Variants in PCGF6 observed in about 807,000 individuals in gnomAD.
PCGF6 encodes the protein polycomb group ring finger 6.
A neutral mutation model predicts 45.5 loss-of-function variants in PCGF6; 24 were observed. The ratio of observed to expected loss-of-function variants is 0.53; its 90% CI spans 0.38 to 0.74. PCGF6 has a LOEUF of 0.74. Among genes scored for constraint, PCGF6 ranks in the 30% least tolerant of loss-of-function variants. The pLI, the probability that PCGF6 is intolerant of heterozygous loss-of-function variation, is 0.00. For synonymous variants in PCGF6, 152 were observed against 162.1 expected (o/e 0.94, Z 0.47); for missense variants, 356 against 443.2 (o/e 0.80, Z 1.77).
At chr10:103,310,629 T>C (rs371331034) in intron 9 of PCGF6, among the ~76,000 whole-genome samples, 4 of 152,232 alleles carry the variant, frequency 2.6e-5, no homozygotes, top group Admixed American at 6.5e-5. Flanking sequence ...AATATTCACA[T>C]CTTCTTTTGA....
intron 9 of PCGF6, among the ~76,000 whole-genome samples, chr10:103,304,656 C>CTTTTT (rs34403112): frequency 7.3e-6 from 1 of 137,366 alleles, no homozygotes; most frequent in Non-Finnish European, 1.5e-5. Context: ...CCCAGCCCCA[C>CTTTTT]TTTTTTTTTT....
At chr10:103,310,487 T>C (rs1302885480) in intron 9 of PCGF6, among the ~76,000 whole-genome samples, 1 of 152,086 alleles carries the variant, frequency 6.6e-6, no homozygotes, top group Admixed American at 6.6e-5. Context: ...AAATATATCA[T>C]ATGTACATTA....
chr10:103,345,449 T>C (rs1357595937), intron 5 of PCGF6, among the ~76,000 whole-genome samples: 3 of 151,880 alleles, frequency 2.0e-5, no homozygotes, highest in Non-Finnish European at 4.4e-5. Flanking sequence ...TTAGCACTTC[T>C]CATGCATCAT....
intron 6 of PCGF6, among the ~76,000 whole-genome samples, chr10:103,337,727 A>G (rs555846533): frequency 1.3e-5 from 2 of 152,078 alleles, no homozygotes; most frequent in East Asian, 3.9e-4. Flanking sequence ...CAGGAGTTCA[A>G]GACCAGCCTG....
intron 6 of PCGF6, among the ~76,000 whole-genome samples, chr10:103,339,078 C>T (rs889491504): frequency 1.3e-5 from 2 of 152,018 alleles, no homozygotes; most frequent in Non-Finnish European, 2.9e-5. Flanking sequence ...CTACAGGTTA[C>T]CCCCAATAGC....
chr10:103,340,180 GA>G (rs58312332), intron 6 of PCGF6, among the ~76,000 whole-genome samples: 7,757 of 71,490 alleles, frequency 0.11, 327 homozygotes, highest in Non-Finnish European at 0.15. Context: ...CTGTCTCAGG[GA>G]AAAAAAAAAA....
At chr10:103,346,218 G>A (rs1398210395) in intron 5 of PCGF6, among the ~76,000 whole-genome samples, 8 of 145,512 alleles carry the variant, frequency 5.5e-5, no homozygotes, top group African/African-American at 1.8e-4. Context: ...AAAGCCAGGC[G>A]CGGTGGCTCA....
intron 7 of PCGF6, among the ~76,000 whole-genome samples, chr10:103,332,824 G>C (rs2093244663): frequency 6.6e-6 from 1 of 152,078 alleles, no homozygotes; most frequent in South Asian, 2.1e-4. Flanking sequence ...AAAAATCATG[G>C]GGATTTATGG....
chr10:103,340,564 T>C (rs1228280744), intron 6 of PCGF6, among the ~76,000 whole-genome samples: 2 of 152,118 alleles, frequency 1.3e-5, no homozygotes, highest in Non-Finnish European at 2.9e-5. Flanking sequence ...AAGTTCCTGC[T>C]GTGATTAGTG....
At chr10:103,349,478 C>CAT (rs2093312510) in intron 1 of PCGF6, among the ~76,000 whole-genome samples, 1 of 96,876 alleles carries the variant, frequency 1.0e-5, no homozygotes. Context: ...TCTTTCTTTC[C>CAT]GTTTTTTTTT....
chr10:103,319,657 C>T (rs1248584744), intron 8 of PCGF6, among the ~76,000 whole-genome samples: 1 of 152,034 alleles, frequency 6.6e-6, no homozygotes, highest in Non-Finnish European at 1.5e-5. Context: ...TTTGTCTCAT[C>T]TTTGTACTCC....
At chr10:103,333,850 T>C in intron 7 of PCGF6, 75 bp downstream of exon 7, 1 of 1,041,348 alleles carries the variant, frequency 9.6e-7, no homozygotes, top group Non-Finnish European at 1.4e-6. Context: ...CAATCTCCAT[T>C]TGGTTGCTAA....
At chr10:103,309,948 GTCTT>G (rs957371383) in intron 9 of PCGF6, among the ~76,000 whole-genome samples, 9 of 148,462 alleles carry the variant, frequency 6.1e-5, no homozygotes, top group African/African-American at 5.0e-5. Flanking sequence ...GTGAGACCTT[GTCTT>G]TCTTTTTTTT....
At chr10:103,309,404 G>A (rs546554500) in intron 9 of PCGF6, among the ~76,000 whole-genome samples, 55 of 152,270 alleles carry the variant, frequency 3.6e-4, no homozygotes, top group African/African-American at 1.2e-3. Flanking sequence ...TGATATGGTT[G>A]TTTAAAAGTG....
In PCGF6 at chr10:103,333,938, G is replaced by A. The variant is rs781528375; in HGVS notation, c.797C>T (p.Thr266Met). 30 of 1,550,276 alleles carry A rather than the reference G, an allele frequency of 1.9e-5. No individual in the cohort carries two copies. In the East Asian group the frequency reaches 5.3e-4, roughly 27 times the overall value. ...AAAGTAAAATACCTTAAAATGTCCC[G>A]TGCCTTCATTAGCACTGAAAAATGA... is the stretch of plus-strand genomic sequence containing the variant. ...LLEFIGANEGTGHFKPLEKKF... is the reference protein window; with the variant it reads ...LLEFIGANEGMGHFKPLEKKF... The change falls in exon 7 of 10, where the codon ACG becomes ATG. Residue 266 changes from threonine (T) to methionine (M), a missense_variant. Thr to Met is a moderately conservative substitution (Grantham distance 81). Coordinates refer to ENST00000369847, the MANE Select transcript of PCGF6 (RefSeq NM_001011663.2).
intron 6 of PCGF6, among the ~76,000 whole-genome samples, chr10:103,339,423 G>A (rs1456614885): frequency 1.3e-5 from 2 of 151,720 alleles, no homozygotes; most frequent in East Asian, 3.9e-4. Flanking sequence ...ACTGTCTTAG[G>A]AGGTACACTG....
chr10:103,334,465 T>C (rs570607520), intron 6 of PCGF6, among the ~76,000 whole-genome samples: 2 of 152,160 alleles, frequency 1.3e-5, no homozygotes, highest in Non-Finnish European at 1.5e-5. Context: ...CAGGAAAAAG[T>C]ATATTCTTAA....
chr10:103,325,639 A>G (rs922379738), intron 8 of PCGF6, among the ~76,000 whole-genome samples: 2 of 152,152 alleles, frequency 1.3e-5, no homozygotes, highest in African/African-American at 4.8e-5. Flanking sequence ...TACTACCAAA[A>G]TGGAAAGAGC....
rs2093167633 is a variant in PCGF6 at position 103,314,420 on chromosome 10, T to C, written c.910-148A>G. On this transcript the variant is annotated intron_variant, in intron 8 of 9. Transcript: ENST00000369847. ...TTAAACGCTCTTGAAAAGAGAGTTTTAGAAACTTTTTACAGAAGTAAATAA... is the reference window on the plus strand; with the variant it reads ...TTAAACGCTCTTGAAAAGAGAGTTTCAGAAACTTTTTACAGAAGTAAATAA... The C allele has an allele frequency of 7.9e-6, 4 of 504,426 alleles. No individual in the cohort carries two copies. In the Admixed American group the frequency reaches 1.1e-4, roughly 14 times the overall value. 31.2% of individuals were successfully genotyped at this position (504,426 alleles called of 1,614,324 possible). A position where few individuals can be genotyped will look rare whatever the true frequency, so the allele number is the denominator to read the frequency against.
Sources: gnomAD v4.1 joint callset for allele counts (sites outside exome capture counted in the v4.1 genomes callset) on GRCh38, gnomAD v4.1.1 for gene constraint, MANE v1.5 for transcripts, NCBI Gene and HGNC (gene_info 2026-07-23, HGNC 2026-07-21) for gene names.